GIPR: variants seen among roughly 807,000 people sequenced by gnomAD.
The protein encoded by GIPR is GIP-R.
In GIPR, 74 loss-of-function variants were observed where a neutral mutation model predicts 62.2. The observed-to-expected ratio is 1.19, with a 90% CI of 0.99 to 1.44. GIPR has a LOEUF of 1.44. Ranked by LOEUF, GIPR falls within the 40% of genes most tolerant of loss-of-function variation. The pLI, the probability that GIPR is intolerant of heterozygous loss-of-function variation, is 0.00. For missense variants in GIPR, 664 were observed against 611.8 expected (o/e 1.09, Z -0.90); for synonymous variants, 256 against 262.2 (o/e 0.98, Z 0.23).
chr19:45,681,559 T>C, intron 12 of GIPR, 45 bp from the exon 13 acceptor site: 1 of 1,575,450 alleles, frequency 6.3e-7, no homozygotes, highest in Non-Finnish European at 8.7e-7. Flanking sequence ...GCGGTTACAG[T>C]CCTGCCCCCA....
In GIPR at chr19:45,683,205, G is replaced by A. The variant is rs1323995058; in HGVS notation, c.*1270G>A. 6.6e-6 allele frequency: 1 copy of A among 152,596 alleles called. No homozygotes were observed. Among genetic ancestry groups the A allele is most frequent in the Non-Finnish European group, 1.5e-5 (1 of 68,262 alleles). 9.5% of individuals were successfully genotyped at this position (152,596 alleles called of 1,614,324 possible). ...TTTGTAGGACATGACAGGACACTGA[G>A]TGTAAGGGTCTGGAGCTCTCAGGAG... On this transcript the variant is annotated 3_prime_UTR_variant, in exon 14 of 14. Coordinates refer to ENST00000590918, the MANE Select transcript of GIPR (RefSeq NM_000164.4).
chr19:45,680,982 G>A (rs1967195492), intron 12 of GIPR, among the ~76,000 whole-genome samples: 1 of 152,134 alleles, frequency 6.6e-6, no homozygotes, highest in Admixed American at 6.6e-5. Context: ...AAATGGGAAA[G>A]AAAGTGGAAA....
In GIPR at chr19:45,681,761, C is replaced by T. The variant is rs749767625; in HGVS notation, c.1227C>T (p.His409=). 2.5e-6 allele frequency: 4 copies of T among 1,606,020 alleles called. No individual in the cohort carries two copies. In the East Asian group the frequency reaches 9.0e-5, roughly 36 times the overall value. ...CGGAGATCCGCCGTGGCTGGCACCA[C>T]TGCCGCCTGCGCCGCAGCCTGGGCG... is the stretch of plus-strand genomic sequence containing the variant. ...VQSEIRRGWH[H]CRLRRSLGEE... Residue 409 remains histidine (H), a synonymous_variant, in exon 14 of 14, where the codon CAC becomes CAT. Transcript: ENST00000590918.
intron 1 of GIPR, among the ~76,000 whole-genome samples, chr19:45,669,204 C>A (rs183302899): frequency 1.3e-5 from 2 of 152,180 alleles, no homozygotes; most frequent in East Asian, 1.9e-4. Context: ...AACACCCCCC[C>A]CTTCCACCTT....
chr19:45,674,322 G>C, intron 6 of GIPR, 145 bp downstream of exon 6: 1 of 720,250 alleles, frequency 1.4e-6, no homozygotes, highest in South Asian at 1.4e-5. Context: ...AAGGAGCTCT[G>C]TGTGGCCGGG....
intron 12 of GIPR, among the ~76,000 whole-genome samples, chr19:45,680,466 A>G (rs938257582): frequency 1.3e-4 from 19 of 151,924 alleles, no homozygotes; most frequent in African/African-American, 4.1e-4. Flanking sequence ...GTTGAGGTTG[A>G]AGTGATGAAG....
Position 45,671,319 on chromosome 19 carries a change from CTGCTGGGACTA to C in GIPR, c.213_223del (p.Trp71CysfsTer32). 6.2e-7 allele frequency: 1 copy of C among 1,612,958 alleles called. No homozygotes were observed. The highest frequency in any genetic ancestry group is 8.5e-7 in the Non-Finnish European group (1 of 1,179,724). On this transcript the variant is annotated frameshift_variant, in exon 4 of 14. Transcript: ENST00000590918. LOFTEE classifies it high-confidence loss of function. Reference sequence around the variant, plus strand: ...GTAACGGGTCCTTCGATATGTACGTCTGCTGGGACTATGCTGCACCCAATGCCACTGCCCGT... The same window carrying C: ...GTAACGGGTCCTTCGATATGTACGTCTGCTGCACCCAATGCCACTGCCCGT...
At position 45,674,663 on chromosome 19, in the gene GIPR, G is replaced by A. The variant is rs1975736718; in HGVS notation, c.489-19G>A. 3 of 1,613,270 alleles carry A rather than the reference G, an allele frequency of 1.9e-6. No homozygotes were observed. Among genetic ancestry groups the A allele is most frequent in the Non-Finnish European group, 2.5e-6 (3 of 1,179,740 alleles). ...ACAGCTCTCCAGGGGCCCCCACACT[G>A]CCTTCCAAATTCCCCTAGGCGGCTA... On this transcript the variant is annotated intron_variant, in intron 6 of 13. Transcript: ENST00000590918.
intron 12 of GIPR, among the ~76,000 whole-genome samples, chr19:45,679,597 G>T (rs1364934032): frequency 6.6e-6 from 1 of 151,886 alleles, no homozygotes; most frequent in African/African-American, 2.4e-5. Flanking sequence ...GGGGGTTACT[G>T]TTTTATTTAT....
chr19:45,679,237 TG>T (rs1967106485), intron 12 of GIPR, among the ~76,000 whole-genome samples: 1 of 152,088 alleles, frequency 6.6e-6, no homozygotes, highest in Non-Finnish European at 1.5e-5. Context: ...CCCAGCATTT[TG>T]GGAGGCCGAG....
chr19:45,674,241 G>A (rs1975712517), intron 6 of GIPR, 64 bp downstream of exon 6: 1 of 1,041,256 alleles, frequency 9.6e-7, no homozygotes, highest in Non-Finnish European at 1.5e-6. Flanking sequence ...TGTCCAGTAA[G>A]ATGGGGTGGT....
In GIPR at chr19:45,670,659, G is replaced by T; in HGVS notation, c.97G>T (p.Gly33Trp). The change falls in exon 3 of 14, where the codon GGG becomes TGG. Residue 33 changes from glycine to tryptophan, a missense_variant. Physicochemically the swap from Gly to Trp is radical, Grantham distance 184. Coordinates refer to ENST00000590918, the MANE Select transcript of GIPR (RefSeq NM_000164.4). Reference protein sequence around the residue: ...AETGSKGQTAGELYQRWERYR... With the variant: ...AETGSKGQTAWELYQRWERYR... ...GACAGGCTCTAAGGGGCAGACGGCG[G>T]GGGAGCTGTACCAGCGCTGGGAACG... The T allele has an allele frequency of 3.1e-6, 5 of 1,613,450 alleles. No individual in the cohort carries two copies. The highest frequency in any genetic ancestry group is 4.2e-6 in the Non-Finnish European group (5 of 1,179,748).
intron 5 of GIPR, 61 bp downstream of exon 5, chr19:45,673,015 C>G: frequency 1.0e-6 from 1 of 988,474 alleles, no homozygotes; most frequent in Non-Finnish European, 1.6e-6. Context: ...GCAGTAGATT[C>G]AGGCAGGGCC....
intron 12 of GIPR, 30 bp from the exon 13 acceptor site, chr19:45,681,574 C>G (rs1350878694): frequency 2.5e-5 from 40 of 1,605,162 alleles, no homozygotes; most frequent in Non-Finnish European, 3.4e-5. Flanking sequence ...CCCCCACCAG[C>G]GATGTAACCT....
At chr19:45,669,201 C>A (rs573574038) in intron 1 of GIPR, among the ~76,000 whole-genome samples, 7 of 152,294 alleles carry the variant, frequency 4.6e-5, no homozygotes, top group South Asian at 4.1e-4. Context: ...GCAAACACCC[C>A]CCCCTTCCAC....
intron 7 of GIPR, among the ~76,000 whole-genome samples, chr19:45,676,564 G>C (rs1229432726): frequency 6.6e-6 from 1 of 150,478 alleles, no homozygotes; most frequent in Non-Finnish European, 1.5e-5. Flanking sequence ...TTCCCGAGTA[G>C]CTGGGATTAC....
chr19:45,677,398 C>A lies in GIPR; in HGVS notation c.854+15C>A. 8.6e-7 allele frequency: 1 copy of A among 1,168,252 alleles called. No homozygotes were observed. Among genetic ancestry groups the A allele is most frequent in the Non-Finnish European group, 1.3e-6 (1 of 794,116 alleles). The allele number at this position is 1,168,252 out of a possible 1,614,324, so 72.4% of individuals were successfully genotyped here. ...GAGAACACGCAGTGAGTTGCAGGGT[C>A]TGGGGCGGGGCGTGGGAGGTGGGCG... On this transcript the variant is annotated intron_variant, in intron 9 of 13. Transcript: ENST00000590918.
At position 45,681,649 on chromosome 19, in the gene GIPR, G is replaced by C. The variant is rs751765954; in HGVS notation, c.1194+4G>C. 3 of 1,613,810 alleles carry C rather than the reference G, an allele frequency of 1.9e-6. No homozygotes were observed. ...CTACTGCTTCATCAACAAGGAGGTA[G>C]GCAGAGACCCGGCCGCCGCCCCCGC... is the stretch of plus-strand genomic sequence containing the variant. On this transcript the variant is annotated splice_donor_region_variant and intron_variant, in intron 13 of 13. Coordinates refer to ENST00000590918, the MANE Select transcript of GIPR (RefSeq NM_000164.4).
chr19:45,673,549 G>A (rs1249991707), intron 5 of GIPR, among the ~76,000 whole-genome samples: 1 of 151,598 alleles, frequency 6.6e-6, no homozygotes, highest in Non-Finnish European at 1.5e-5. Context: ...GGGTAACATA[G>A]TGAAACTCCA....
Sources: gnomAD v4.1 joint callset for allele counts (sites outside exome capture counted in the v4.1 genomes callset) on GRCh38, gnomAD v4.1.1 for gene constraint, MANE v1.5 for transcripts, NCBI Gene and HGNC (gene_info 2026-07-23, HGNC 2026-07-21) for gene names.